The following NAA38 variants were observed in gnomAD, a reference collection of about 807,000 sequenced individuals.
NAA38 encodes the protein LSM domain containing 1.
NAA38 carries 15 observed loss-of-function variants against 12.6 expected under a neutral mutation model. That is an observed-to-expected ratio of 1.19 (90% CI 0.79 to 1.83). The LOEUF (loss-of-function observed/expected upper bound fraction) is 1.83. NAA38 is among the 40% of genes most tolerant of loss of function. The pLI is 0.00. For synonymous variants in NAA38, 88 were observed against 69.9 expected, an observed-to-expected ratio of 1.26 and a Z score of -1.29; for missense variants, 183 against 171.7, an observed-to-expected ratio of 1.07 and a Z score of -0.37.
upstream of NAA38, chr17:7,858,366 G>T (rs2078851096): frequency 6.2e-7 from 1 of 1,614,082 alleles, no homozygotes; most frequent in East Asian, 2.2e-5. Context: ...GTTCTCGAAG[G>T]GCTGGCATTG....
At chr17:7,863,784 ATACTT>A (rs1020195259) in intron 3 of NAA38, 16 of 152,298 alleles carry the variant, frequency 1.1e-4, no homozygotes, top group African/African-American at 3.8e-4. Flanking sequence ...ATACACAACA[ATACTT>A]TAAACAGCCT....
chr17:7,867,268 T>C (rs956840654), intron 2 of NAA38, among the ~76,000 whole-genome samples: 1 of 152,150 alleles, frequency 6.6e-6, no homozygotes, highest in Non-Finnish European at 1.5e-5. Flanking sequence ...AGTTTTATTT[T>C]TTTTTAATTG....
upstream of NAA38, chr17:7,858,586 C>T: frequency 6.2e-7 from 1 of 1,607,606 alleles, no homozygotes; most frequent in Non-Finnish European, 8.5e-7. Flanking sequence ...GACACCCTCG[C>T]CCCAAACCCT....
Position 7,866,403 on chromosome 17 carries a change from C to T in NAA38, c.3+88G>A, listed in dbSNP as rs567978251. ...AATTACAGGTGTGAGCCATTGCGCCCGGCCGCCACGGGGAACTTTTAAAGT... is the reference window on the plus strand; with the variant it reads ...AATTACAGGTGTGAGCCATTGCGCCTGGCCGCCACGGGGAACTTTTAAAGT... On this transcript the variant is annotated intron_variant, in intron 3 of 4. Coordinates refer to the NAA38 transcript ENST00000576861. 1.9e-4 allele frequency: 214 copies of T among 1,122,648 alleles called. 1 individual carries two copies. In the African/African-American group the frequency reaches 2.6e-3, roughly 14 times the overall value. The allele number at this position is 1,122,648 out of a possible 1,614,324, so 69.5% of individuals were successfully genotyped here.
At chr17:7,884,457 C>CATATATATATATATATATATAT in intron 1 of NAA38, among the ~76,000 whole-genome samples, 1 of 130,834 alleles carries the variant, frequency 7.6e-6, no homozygotes, top group South Asian at 2.5e-4. Context: ...TATATATATA[C>CATATATATATATATATATATAT]ATATATATAT....
chr17:7,865,092 T>A (rs924625155), intron 3 of NAA38: 1 of 152,088 alleles, frequency 6.6e-6, no homozygotes, highest in Non-Finnish European at 1.5e-5. Context: ...GAAAGTACTA[T>A]AAAGACACAC....
At chr17:7,871,461 T>C (rs1967084241) in intron 2 of NAA38, among the ~76,000 whole-genome samples, 1 of 152,192 alleles carries the variant, frequency 6.6e-6, no homozygotes, top group Non-Finnish European at 1.5e-5. Flanking sequence ...TTTTTTCTAT[T>C]GGTCTTTTTC....
intron 1 of NAA38, among the ~76,000 whole-genome samples, chr17:7,883,766 CT>C (rs1967371495): frequency 6.6e-6 from 1 of 151,492 alleles, no homozygotes; most frequent in Non-Finnish European, 1.5e-5. Flanking sequence ...TATATTTCAT[CT>C]TTTTCCTTTT....
chr17:7,859,665 TTCTGTG>T, upstream of NAA38: 9 of 1,567,972 alleles, frequency 5.7e-6, no homozygotes, highest in Non-Finnish European at 7.9e-6. Flanking sequence ...GTTTGGCTTT[TTCTGTG>T]CCTTGAGGAA....
At chr17:7,857,247 C>A (rs773464153) in intron 1 of NAA38, 49 bp from the exon 2 acceptor site, 31 of 1,610,114 alleles carry the variant, frequency 1.9e-5, no homozygotes, top group Non-Finnish European at 2.3e-5. Context: ...AGGCTGCCCG[C>A]CCGCGGAACC....
upstream of NAA38, chr17:7,885,337 G>GCCGCCGCCGCCGCCGCCA (rs1967705077): frequency 5.5e-6 from 1 of 180,740 alleles, no homozygotes; most frequent in Admixed American, 6.8e-5. Flanking sequence ...CGCCGCCGCC[G>GCCGCCGCCGCCGCCGCCA]CCGCCGCCAC....
intron 1 of NAA38, among the ~76,000 whole-genome samples, chr17:7,884,562 T>C (rs1365418886): frequency 7.9e-6 from 1 of 126,768 alleles, no homozygotes; most frequent in Non-Finnish European, 1.6e-5. Context: ...CTCAATTTTT[T>C]CCAAGACAAT....
intron 2 of NAA38, among the ~76,000 whole-genome samples, chr17:7,878,333 T>C (rs1451648336): frequency 6.6e-6 from 1 of 151,952 alleles, no homozygotes; most frequent in East Asian, 1.9e-4. Context: ...ACAGGTTAGA[T>C]TAAAGCAGTA....
intron 2 of NAA38, 65 bp from the exon 3 acceptor site, chr17:7,856,908 A>C (rs774514539): frequency 8.8e-6 from 14 of 1,594,024 alleles, no homozygotes; most frequent in Non-Finnish European, 1.2e-5. Context: ...CTGAGCCACG[A>C]AAACGAGCCC....
intron 2 of NAA38, among the ~76,000 whole-genome samples, chr17:7,869,903 T>C (rs945305963): frequency 1.3e-5 from 2 of 152,198 alleles, no homozygotes; most frequent in Admixed American, 1.3e-4. Flanking sequence ...ACCTAAAGGA[T>C]AGTTAATCAG....
At chr17:7,884,071 AACAC>A (rs149257134) in intron 1 of NAA38, among the ~76,000 whole-genome samples, 20 of 148,540 alleles carry the variant, frequency 1.3e-4, no homozygotes, top group East Asian at 6.0e-4. Context: ...ATGCCCCCCC[AACAC>A]ACACACACAC....
chr17:7,864,887 T>A (rs1162910695), intron 3 of NAA38: 2 of 146,462 alleles, frequency 1.4e-5, no homozygotes, highest in Non-Finnish European at 1.5e-5. Flanking sequence ...AGAGTGAGAC[T>A]CCATCTCAAA....
At chr17:7,859,214 G>C, upstream of NAA38, 1 of 620,852 alleles carries the variant, frequency 1.6e-6, no homozygotes, top group Non-Finnish European at 2.8e-6. Context: ...ATTAAGATCT[G>C]TAGGACTTTA....
upstream of NAA38, chr17:7,857,587 G>C (rs2078838525): frequency 7.2e-7 from 1 of 1,388,536 alleles, no homozygotes; most frequent in Non-Finnish European, 9.3e-7. Context: ...CCCCCTCCTA[G>C]TCTCCTCGGC....
Sources: allele counts gnomAD v4.1 joint callset (sites outside exome capture counted in the v4.1 genomes callset), GRCh38; gene constraint gnomAD v4.1.1; transcripts MANE v1.5; gene names NCBI Gene and HGNC (gene_info 2026-07-23, HGNC 2026-07-21).